Variants in GNAL observed in about 807,000 individuals in gnomAD.
GNAL encodes G protein subunit alpha L.
GNAL carries 18 observed loss-of-function variants against 55.1 expected under a neutral mutation model. That is an observed-to-expected ratio of 0.33 (90% CI 0.23 to 0.48). The LOEUF (loss-of-function observed/expected upper bound fraction) is 0.48, where lower values mean the gene tolerates loss of function less well. Ranked by LOEUF, GNAL falls within the 20% of genes least tolerant of loss-of-function variation. GNAL has a pLI of 0.99. For missense variants in GNAL, 412 were observed against 614.1 expected, an observed-to-expected ratio of 0.67 and a Z score of 3.48; for synonymous variants, 253 against 237.0, an observed-to-expected ratio of 1.07 and a Z score of -0.62.
chr18:11,875,406 A>G (rs1269156497), intron 10 of GNAL, among the ~76,000 whole-genome samples: 1 of 152,154 alleles, frequency 6.6e-6, no homozygotes, highest in African/African-American at 2.4e-5. Flanking sequence ...CCCTAACCAA[A>G]TCTTTTGTGG....
chr18:11,852,784 G>C (rs376716959), intron 5 of GNAL: 1 of 166,676 alleles, frequency 6.0e-6, no homozygotes, highest in Non-Finnish European at 1.5e-5. Flanking sequence ...TTGTCTTTGC[G>C]TAACTGGGAA....
chr18:11,885,152 G>A lies in GNAL; in HGVS notation c.*4017G>A. ...ATTTACTTTGAATTTGAAAATGTTA[G>A]GGTTTCCTCCACCTTTTTATGAAGT... On this transcript the variant is annotated 3_prime_UTR_variant, in exon 12 of 12. Transcript: ENST00000334049. 3 of 862,810 alleles carry A rather than the reference G, an allele frequency of 3.5e-6. No homozygotes were observed. Among genetic ancestry groups the A allele is most frequent in the South Asian group, 1.8e-5 (1 of 55,310 alleles). The allele number at this position is 862,810 out of a possible 1,614,324, so 53.4% of individuals were successfully genotyped here. A position where few individuals can be genotyped will look rare whatever the true frequency, so the allele number is the denominator to read the frequency against.
intron 4 of GNAL, among the ~76,000 whole-genome samples, chr18:11,774,884 G>T (rs2033736232): frequency 6.6e-6 from 1 of 152,110 alleles, no homozygotes; most frequent in Non-Finnish European, 1.5e-5. Context: ...ATATTTCTAA[G>T]TCTTATTGAG....
Position 11,751,540 on chromosome 18 carries a change from G to T in GNAL, c.377-1313G>T, listed in dbSNP as rs1219784763. The T allele has an allele frequency of 5.1e-6, 5 of 985,408 alleles. No homozygotes were observed. The highest frequency in any genetic ancestry group is 1.7e-5 in the African/African-American group (1 of 57,256). The allele number at this position is 985,408 out of a possible 1,614,324, so 61.0% of individuals were successfully genotyped here. ...CTCGGAGGGATCCTCCTCCCTGCTA[G>T]AATATGCATGATCCTCCGCGAGTCT... On this transcript the variant is annotated intron_variant, in intron 1 of 11. Coordinates refer to ENST00000334049, the MANE Select transcript of GNAL (RefSeq NM_182978.4). The surrounding 1 kb of genome is among the most constrained non-coding windows in gnomAD (Gnocchi z 4.5).
intron 5 of GNAL, chr18:11,851,281 G>T: frequency 2.0e-6 from 1 of 500,998 alleles, no homozygotes. Flanking sequence ...GAATCCCCCT[G>T]CATGCGCAGC....
intron 4 of GNAL, among the ~76,000 whole-genome samples, chr18:11,784,855 C>T (rs1416012213): frequency 6.6e-6 from 1 of 151,992 alleles, no homozygotes; most frequent in East Asian, 1.9e-4. Flanking sequence ...CCTGGCTGTC[C>T]GTATGTATGG....
intron 1 of GNAL, among the ~76,000 whole-genome samples, chr18:11,690,191 C>G (rs1367389960): frequency 6.6e-6 from 1 of 152,142 alleles, no homozygotes; most frequent in African/African-American, 2.4e-5. Context: ...GTGCCTTGAG[C>G]TTACTGCCGC....
intron 4 of GNAL, among the ~76,000 whole-genome samples, chr18:11,798,064 A>G (rs1003365374): frequency 3.9e-5 from 6 of 152,202 alleles, no homozygotes; most frequent in African/African-American, 1.4e-4. Flanking sequence ...ATCAAATACA[A>G]TCTTCTAAAG....
At chr18:11,807,072 T>C (rs2034683328) in intron 4 of GNAL, among the ~76,000 whole-genome samples, 1 of 151,966 alleles carries the variant, frequency 6.6e-6, no homozygotes, top group African/African-American at 2.4e-5. Flanking sequence ...GGCAGGAGAA[T>C]TGCTTAAACC....
chr18:11,718,071 ACAAT>A (rs1435528310), intron 1 of GNAL, among the ~76,000 whole-genome samples: 1 of 152,234 alleles, frequency 6.6e-6, no homozygotes, highest in Non-Finnish European at 1.5e-5. Flanking sequence ...ACTAAGAAAT[ACAAT>A]CAATTATTAA....
intron 7 of GNAL, among the ~76,000 whole-genome samples, chr18:11,865,501 G>A (rs2036242375): frequency 6.8e-6 from 1 of 148,008 alleles, no homozygotes; most frequent in Non-Finnish European, 1.5e-5. Flanking sequence ...TGTAATCTCA[G>A]CACTTTGGGA....
chr18:11,693,438 C>T (rs1281459106), intron 1 of GNAL, among the ~76,000 whole-genome samples: 2 of 152,148 alleles, frequency 1.3e-5, no homozygotes, highest in African/African-American at 4.8e-5. Flanking sequence ...TACACTAAAA[C>T]GCATACTGTT....
chr18:11,872,304 C>T lies in GNAL; in HGVS notation c.1068C>T (p.Asn356=). 4 of 1,575,180 alleles carry T rather than the reference C, an allele frequency of 2.5e-6. No homozygotes were observed. Among genetic ancestry groups the T allele is most frequent in the Non-Finnish European group, 3.4e-6 (4 of 1,165,400 alleles). ...LRTISIILFL[N]KQDMLAEKVL... ...CCATTTCTATCATCTTGTTCTTGAA[C>T]AAACAAGATATGCTGGCAGAAAAAG... The change falls in exon 10 of 12, where the codon AAC becomes AAT. Residue 356 remains asparagine, a synonymous_variant. Transcript: ENST00000334049.
intron 5 of GNAL, among the ~76,000 whole-genome samples, chr18:11,857,001 C>G (rs1174680367): frequency 6.6e-6 from 1 of 151,986 alleles, no homozygotes; most frequent in Non-Finnish European, 1.5e-5. Context: ...AGATTTAGTC[C>G]AAAACATGCA....
intron 4 of GNAL, among the ~76,000 whole-genome samples, chr18:11,756,710 G>A (rs2033067786): frequency 6.6e-6 from 1 of 151,954 alleles, no homozygotes; most frequent in African/African-American, 2.4e-5. Context: ...AAATTATGTA[G>A]TTCTTGGTTT....
intron 1 of GNAL, among the ~76,000 whole-genome samples, chr18:11,748,477 A>G (rs1421461870): frequency 6.6e-6 from 1 of 152,116 alleles, no homozygotes; most frequent in Non-Finnish European, 1.5e-5. Context: ...TAGCACACAC[A>G]TTATCATTAT....
chr18:11,845,037 T>G (rs796510955), intron 5 of GNAL, among the ~76,000 whole-genome samples: 2 of 152,208 alleles, frequency 1.3e-5, no homozygotes, highest in African/African-American at 4.8e-5. Context: ...GGCTGATTTT[T>G]GTATTTTTAG....
At chr18:11,764,630 G>A (rs1253831053) in intron 4 of GNAL, among the ~76,000 whole-genome samples, 1 of 151,974 alleles carries the variant, frequency 6.6e-6, no homozygotes, top group Non-Finnish European at 1.5e-5. Flanking sequence ...GCAACATGGT[G>A]AAACCCTGTC....
chr18:11,749,796 A>G (rs1436822511), intron 1 of GNAL, among the ~76,000 whole-genome samples: 1 of 152,150 alleles, frequency 6.6e-6, no homozygotes, highest in Non-Finnish European at 1.5e-5. Context: ...TGACCCAGAA[A>G]AGAGAGTCCC....
Sources: gnomAD v4.1 joint callset for allele counts (sites outside exome capture counted in the v4.1 genomes callset) on GRCh38, gnomAD v4.1.1 for gene constraint, Gnocchi (gnomAD v3.1) non-coding constraint, MANE v1.5 for transcripts, NCBI Gene and HGNC (gene_info 2026-07-23, HGNC 2026-07-21) for gene names.